Variants in TRDN observed in about 807,000 individuals in gnomAD.
The protein encoded by TRDN is triadin, also known as triadin in skeletal muscle.
In TRDN, 161 loss-of-function variants were observed where a neutral mutation model predicts 149.7. That is an observed-to-expected ratio of 1.08 (90% CI 0.95 to 1.23). The LOEUF (loss-of-function observed/expected upper bound fraction) is 1.23. Ranked by LOEUF, TRDN falls within the 50% of genes most tolerant of loss-of-function variation. TRDN has a pLI of 0.00. For missense variants in TRDN, 896 were observed against 823.5 expected (o/e 1.09, Z -1.08); for synonymous variants, 294 against 250.5 (o/e 1.17, Z -1.64).
chr6:123,578,638 G>A (rs1583276206), intron 1 of TRDN, among the ~76,000 whole-genome samples: 1 of 152,062 alleles, frequency 6.6e-6, no homozygotes, highest in South Asian at 2.1e-4. Context: ...GGCTATTTGG[G>A]CCCTTATTTT....
intron 1 of TRDN, among the ~76,000 whole-genome samples, chr6:123,607,445 T>C (rs575745881): frequency 3.3e-5 from 5 of 152,200 alleles, no homozygotes; most frequent in Non-Finnish European, 7.3e-5. Context: ...TTTCTCTATA[T>C]ATACAGATTA....
At chr6:123,280,134 G>T (rs1777528924) in intron 24 of TRDN, among the ~76,000 whole-genome samples, 1 of 152,136 alleles carries the variant, frequency 6.6e-6, no homozygotes, top group South Asian at 2.1e-4. Context: ...ATAAGATGGA[G>T]CTGGTAGTCT....
chr6:123,413,585 G>A (rs144103203), intron 12 of TRDN, among the ~76,000 whole-genome samples: 9 of 152,240 alleles, frequency 5.9e-5, no homozygotes, highest in Non-Finnish European at 8.8e-5. Context: ...CCTGATAAAA[G>A]TGAATTCTCC....
At chr6:123,600,620 G>T (rs747950107) in intron 1 of TRDN, among the ~76,000 whole-genome samples, 1 of 151,996 alleles carries the variant, frequency 6.6e-6, no homozygotes, top group Non-Finnish European at 1.5e-5. Flanking sequence ...AGTTTTTCTG[G>T]GCCCTGAAGT....
intron 19 of TRDN, among the ~76,000 whole-genome samples, chr6:123,371,224 T>C (rs1416087289): frequency 2.0e-5 from 3 of 152,280 alleles, no homozygotes; most frequent in South Asian, 2.1e-4. Context: ...TTGGAACTGA[T>C]ATTTTAGAAC....
At chr6:123,574,093 T>A (rs1196486468) in intron 1 of TRDN, among the ~76,000 whole-genome samples, 2 of 151,968 alleles carry the variant, frequency 1.3e-5, no homozygotes, top group Non-Finnish European at 2.9e-5. Context: ...ACAAAATTAG[T>A]TTTTTAGTTA....
chr6:123,400,167 G>GTATATATATATATATATATGTA (rs1772900934), intron 12 of TRDN, among the ~76,000 whole-genome samples: 3 of 123,396 alleles, frequency 2.4e-5, no homozygotes, highest in African/African-American at 9.0e-5. Context: ...ATATGTATGT[G>GTATATATATATATATATATGTA]TATATATATA....
intron 10 of TRDN, among the ~76,000 whole-genome samples, chr6:123,455,110 C>A (rs2114670119): frequency 6.6e-6 from 1 of 152,262 alleles, no homozygotes; most frequent in African/African-American, 2.4e-5. Flanking sequence ...AACTGTCTCA[C>A]AACCAAAGTT....
chr6:123,347,417 T>C (rs1429290104), intron 21 of TRDN, among the ~76,000 whole-genome samples: 1 of 152,118 alleles, frequency 6.6e-6, no homozygotes, highest in African/African-American at 2.4e-5. Flanking sequence ...TTCTATATCC[T>C]GTGTGCCATT....
intron 12 of TRDN, 136 bp from the exon 13 acceptor site, chr6:123,393,813 A>T: frequency 2.6e-6 from 2 of 755,798 alleles, no homozygotes; most frequent in Non-Finnish European, 4.2e-6. Context: ...TTGTTAAGAC[A>T]TAAACTTATT....
intron 24 of TRDN, among the ~76,000 whole-genome samples, chr6:123,299,752 A>G (rs535227010): frequency 6.6e-6 from 1 of 152,240 alleles, no homozygotes; most frequent in Non-Finnish European, 1.5e-5. Flanking sequence ...AAATGAGCTA[A>G]GAGCATTGTT....
intron 10 of TRDN, among the ~76,000 whole-genome samples, chr6:123,461,012 C>T (rs9490770): frequency 2.1e-3 from 326 of 152,232 alleles, no homozygotes; most frequent in African/African-American, 7.5e-3. Flanking sequence ...TTTAACATCT[C>T]TATCATATCT....
intron 8 of TRDN, among the ~76,000 whole-genome samples, chr6:123,499,263 T>C (rs919684955): frequency 2.6e-5 from 4 of 152,182 alleles, no homozygotes; most frequent in African/African-American, 9.7e-5. Flanking sequence ...GATAGTTATA[T>C]ACATAACATG....
chr6:123,319,862 T>C (rs1779177449), intron 23 of TRDN, among the ~76,000 whole-genome samples: 1 of 152,002 alleles, frequency 6.6e-6, no homozygotes, highest in Non-Finnish European at 1.5e-5. Context: ...AAATTGCTGA[T>C]GGGCCTGGGG....
chr6:123,385,420 T>C (rs1408508544), intron 14 of TRDN, among the ~76,000 whole-genome samples: 1 of 119,312 alleles, frequency 8.4e-6, no homozygotes, highest in South Asian at 3.9e-4. Flanking sequence ...CGAGACTCCA[T>C]CTCAAAAAAA....
chr6:123,346,549 C>T (rs940457270), intron 21 of TRDN, among the ~76,000 whole-genome samples: 3 of 151,790 alleles, frequency 2.0e-5, no homozygotes, highest in Non-Finnish European at 4.4e-5. Context: ...AAATAAAAGC[C>T]GATGCTATTT....
chr6:123,364,503 G>A (rs1781016318), intron 20 of TRDN, among the ~76,000 whole-genome samples: 1 of 152,142 alleles, frequency 6.6e-6, no homozygotes, highest in Non-Finnish European at 1.5e-5. Flanking sequence ...TGGGCGTGAT[G>A]GTGCGTGCCT....
chr6:123,278,185 AG>A (rs1777445084), intron 26 of TRDN, 132 bp downstream of exon 26: 1 of 564,550 alleles, frequency 1.8e-6, no homozygotes, highest in African/African-American at 2.1e-5. Flanking sequence ...ATATTTTGTT[AG>A]TTTTTTTTTA....
At chr6:123,501,152 A>G (rs1778682616) in intron 8 of TRDN, among the ~76,000 whole-genome samples, 1 of 151,990 alleles carries the variant, frequency 6.6e-6, no homozygotes, top group Admixed American at 6.6e-5. Context: ...AGAAAAAGAG[A>G]TGTATTATTT....
Sources: allele counts gnomAD v4.1 joint callset (sites outside exome capture counted in the v4.1 genomes callset), GRCh38; gene constraint gnomAD v4.1.1; transcripts MANE v1.5; gene names NCBI Gene and HGNC (gene_info 2026-07-23, HGNC 2026-07-21).